GATB: variants seen among roughly 807,000 people sequenced by gnomAD.
GATB encodes glutamyl-tRNA amidotransferase subunit B, also known as glutamyl-tRNA(Gln) amidotransferase subunit B, mitochondrial.
In GATB, 39 loss-of-function variants were observed where a neutral mutation model predicts 62.3. The ratio of observed to expected loss-of-function variants is 0.63; its 90% CI spans 0.48 to 0.82. The LOEUF is 0.82. GATB is among the 40% of genes least tolerant of loss of function. The pLI is 0.00. For synonymous variants in GATB, 276 were observed against 258.9 expected, an observed-to-expected ratio of 1.07 and a Z score of -0.63; for missense variants, 670 against 684.0, an observed-to-expected ratio of 0.98 and a Z score of 0.23.
At chr4:151,707,786 G>C (rs1175513739) in intron 6 of GATB, among the ~76,000 whole-genome samples, 2 of 152,228 alleles carry the variant, frequency 1.3e-5, no homozygotes, top group East Asian at 1.9e-4. Context: ...CAAGGTATGA[G>C]AGCGACTACC....
intron 10 of GATB, among the ~76,000 whole-genome samples, chr4:151,681,774 A>G (rs1202604539): frequency 6.6e-6 from 1 of 152,246 alleles, no homozygotes; most frequent in Non-Finnish European, 1.5e-5. Flanking sequence ...AGGCGCTGGC[A>G]GATTCCATGT....
At chr4:151,705,709 T>C (rs986964812) in intron 6 of GATB, among the ~76,000 whole-genome samples, 1 of 152,176 alleles carries the variant, frequency 6.6e-6, no homozygotes, top group African/African-American at 2.4e-5. Context: ...GGGTCCAGCA[T>C]TTACATTATC....
chr4:151,724,323 A>C (rs1244177256), intron 2 of GATB: 1 of 152,352 alleles, frequency 6.6e-6, no homozygotes, highest in Non-Finnish European at 1.5e-5. Flanking sequence ...CACTCCCACC[A>C]GGACTTCTGC....
chr4:151,687,518 C>G (rs1231849607), intron 10 of GATB, among the ~76,000 whole-genome samples: 1 of 152,252 alleles, frequency 6.6e-6, no homozygotes, highest in African/African-American at 2.4e-5. Context: ...GGGCATTTCT[C>G]ATCCGCATTC....
At chr4:151,671,554 A>C (rs1173885190) in intron 12 of GATB, among the ~76,000 whole-genome samples, 1 of 152,192 alleles carries the variant, frequency 6.6e-6, no homozygotes, top group East Asian at 1.9e-4. Flanking sequence ...AAGCCAGAGA[A>C]GCTGGCACGT....
At position 151,677,054 on chromosome 4, in the gene GATB, C is replaced by G. The variant is rs373991094; in HGVS notation, c.1410+2759G>C. On this transcript the variant is annotated intron_variant, in intron 11 of 12. Transcript: ENST00000263985. ...GTCTGTCATCCCTAGGAGTCAGTCACTCAGTCACCTTTCTTCCTTATCCCC... is the reference window on the plus strand; with the variant it reads ...GTCTGTCATCCCTAGGAGTCAGTCAGTCAGTCACCTTTCTTCCTTATCCCC... Among the ~76,000 whole-genome samples the G allele has an allele frequency of 1.3e-4, 20 of 152,300 alleles. No homozygotes were observed. The East Asian group carries it at 2.9e-3, about 22-fold the overall frequency.
chr4:151,719,457 C>T lies in GATB; in HGVS notation c.409G>A (p.Asp137Asn). The T allele has an allele frequency of 6.2e-7, 1 of 1,611,990 alleles. No homozygotes were observed. Among genetic ancestry groups the T allele is most frequent in the South Asian group, 1.1e-5 (1 of 90,578 alleles). ...TCTGCATAGAAGTAGTGCTTCCTGTCAAACAAGGACTTCTTGTTTATGTGG... is the reference window on the plus strand; with the variant it reads ...TCTGCATAGAAGTAGTGCTTCCTGTTAAACAAGGACTTCTTGTTTATGTGG... ...NCHINKKSLF[D>N]RKHYFYADLP... Residue 137 changes from aspartate to asparagine, a missense_variant, in exon 3 of 13, where the codon GAC (aspartate) becomes AAC (asparagine). Asp to Asn is a conservative substitution (Grantham distance 23). Transcript: ENST00000263985.
At chr4:151,716,738 G>A in intron 4 of GATB, 138 bp downstream of exon 4, 1 of 721,614 alleles carries the variant, frequency 1.4e-6, no homozygotes, top group Non-Finnish European at 2.3e-6. Flanking sequence ...TCCCAATGCT[G>A]ATATTTTAGT....
At chr4:151,752,835 T>A (rs1307916986) in intron 2 of GATB, among the ~76,000 whole-genome samples, 13 of 152,230 alleles carry the variant, frequency 8.5e-5, no homozygotes, top group Admixed American at 7.8e-4. Flanking sequence ...CAATCTATAT[T>A]TTAAAGTAAG....
chr4:151,735,757 T>TATA (rs1186195836), intron 2 of GATB, among the ~76,000 whole-genome samples: 10 of 136,386 alleles, frequency 7.3e-5, no homozygotes, highest in African/African-American at 1.5e-4. Flanking sequence ...TATATATATA[T>TATA]GATGGAATAC....
rs145411246 is a variant in GATB, at chr4:151,760,908, G to A, written c.75C>T (p.Cys25=). The A allele has an allele frequency of 6.2e-7, 1 of 1,613,964 alleles. No individual in the cohort carries two copies. ...WAFARVDGGS[C]HRRGAPTGST... ...ACCCAGTCGGAGCCCCTCTTCGGTG[G>A]CAAGAACCACCGTCAACCCGGGCGA... is the stretch of plus-strand genomic sequence containing the variant. The change falls in exon 1 of 13, where the codon TGC becomes TGT. Residue 25 remains cysteine (C), a synonymous_variant. Transcript: ENST00000263985.
At chr4:151,759,203 C>T (rs1739900844) in intron 1 of GATB, among the ~76,000 whole-genome samples, 1 of 152,126 alleles carries the variant, frequency 6.6e-6, no homozygotes, top group African/African-American at 2.4e-5. Context: ...AACAATTTGG[C>T]GTCTTAAAAC....
At chr4:151,708,658 G>A (rs557000574) in intron 5 of GATB, among the ~76,000 whole-genome samples, 1 of 152,322 alleles carries the variant, frequency 6.6e-6, no homozygotes, top group Non-Finnish European at 1.5e-5. Context: ...CCTTCCTCCA[G>A]GTACTGTAAT....
intron 2 of GATB, chr4:151,723,422 G>GA (rs959574666): frequency 6.6e-6 from 1 of 152,148 alleles, no homozygotes; most frequent in African/African-American, 2.4e-5. Flanking sequence ...AATCTTACAA[G>GA]AAAAAAGCAT....
chr4:151,716,833 A>C (rs765650036), intron 4 of GATB, 43 bp downstream of exon 4: 1 of 1,583,910 alleles, frequency 6.3e-7, no homozygotes, highest in Non-Finnish European at 8.7e-7. Flanking sequence ...CTATCCAAGA[A>C]CTGAAGTAGG....
chr4:151,697,953 G>GTGTGTGTA (rs1186735671), intron 9 of GATB, among the ~76,000 whole-genome samples: 1 of 40,606 alleles, frequency 2.5e-5, no homozygotes, highest in African/African-American at 1.3e-4. Flanking sequence ...GTGTGTGTGT[G>GTGTGTGTA]TATATATATA....
intron 9 of GATB, among the ~76,000 whole-genome samples, chr4:151,692,217 A>G (rs1379096583): frequency 6.6e-6 from 1 of 152,202 alleles, no homozygotes; most frequent in Non-Finnish European, 1.5e-5. Flanking sequence ...TTGAGGTCCC[A>G]CAGCAAGAGA....
chr4:151,722,854 AT>A (rs1739057427), intron 2 of GATB: 1 of 152,324 alleles, frequency 6.6e-6, no homozygotes, highest in Non-Finnish European at 1.5e-5. Context: ...GATGATATCA[AT>A]GGACGATTTC....
At position 151,711,305 on chromosome 4, in the gene GATB, C is replaced by A. The variant is rs140539715; in HGVS notation, c.764-3204G>T. Among the ~76,000 whole-genome samples the A allele has an allele frequency of 7.1e-3, 1,089 of 152,334 alleles. 12 individuals carry two copies. Among genetic ancestry groups the A allele is most frequent in the Admixed American group, 0.012 (189 of 15,310 alleles). The stretch of plus-strand genomic sequence containing the variant: ...AACATTCATCAGACTATGTCTTTCC[C>A]TTGCTTAAAAGCCTTTCAGTGATTA... On this transcript the variant is annotated intron_variant, in intron 5 of 12. Transcript: ENST00000263985.
Sources: allele counts gnomAD v4.1 joint callset (sites outside exome capture counted in the v4.1 genomes callset), GRCh38; gene constraint gnomAD v4.1.1; transcripts MANE v1.5; gene names NCBI Gene and HGNC (gene_info 2026-07-23, HGNC 2026-07-21).